The following PEX14 variants were observed in gnomAD, a reference collection of about 807,000 sequenced individuals.
PEX14 encodes the protein peroxisomal biogenesis factor 14.
Under a neutral mutation model 49.5 loss-of-function variants are expected in PEX14, and 15 were observed. That is an observed-to-expected ratio of 0.30 (90% CI 0.20 to 0.47). The LOEUF (loss-of-function observed/expected upper bound fraction) is 0.47. Ranked by LOEUF, PEX14 falls within the 20% of genes least tolerant of loss-of-function variation. The pLI is 1.00. For synonymous variants in PEX14, 210 were observed against 212.7 expected, an observed-to-expected ratio of 0.99 and a Z score of 0.11; for missense variants, 398 against 494.8, an observed-to-expected ratio of 0.80 and a Z score of 1.86.
intron 4 of PEX14, among the ~76,000 whole-genome samples, chr1:10,608,855 TAAATCAG>T (rs1641198388): frequency 2.6e-5 from 4 of 152,290 alleles, no homozygotes; most frequent in African/African-American, 9.6e-5. Flanking sequence ...GCTGTCACCA[TAAATCAG>T]CTTTAGAGTA....
chr1:10,571,607 G>A (rs1639979573), intron 3 of PEX14, among the ~76,000 whole-genome samples: 1 of 152,088 alleles, frequency 6.6e-6, no homozygotes, highest in Non-Finnish European at 1.5e-5. Context: ...TTAGGAGTTC[G>A]AGACCAGCCT....
intron 3 of PEX14, among the ~76,000 whole-genome samples, chr1:10,583,383 CT>C (rs34977896): frequency 0.019 from 2,485 of 127,904 alleles, 49 homozygotes; most frequent in African/African-American, 0.058. Flanking sequence ...TTGCACCCAG[CT>C]TTTTTTTTTT....
rs768184592 is a variant in PEX14, at chr1:10,512,903, T to G, written c.84+17582T>G. Among the ~76,000 whole-genome samples the G allele has an allele frequency of 3.3e-5, 5 of 152,132 alleles. No individual in the cohort carries two copies. The highest frequency in any genetic ancestry group is 7.4e-5 in the Non-Finnish European group (5 of 68,004). On this transcript the variant is annotated intron_variant, in intron 2 of 8. Coordinates refer to ENST00000356607, the MANE Select transcript of PEX14 (RefSeq NM_004565.3). This position sits in a 1 kb window ranked among gnomAD's most constrained non-coding sequence, Gnocchi z 4.6. Reference sequence around the variant, plus strand: ...TAGTAGAGATGAGGTTTCATCGTGTTAGCTGGGATGGTCTGGATCTCGTGA... The same window carrying G: ...TAGTAGAGATGAGGTTTCATCGTGTGAGCTGGGATGGTCTGGATCTCGTGA...
intron 2 of PEX14, among the ~76,000 whole-genome samples, chr1:10,502,040 A>G (rs533280555): frequency 6.6e-6 from 1 of 152,308 alleles, no homozygotes; most frequent in African/African-American, 2.4e-5. Context: ...AAAATCAAGT[A>G]TAAACCACGG....
At chr1:10,596,043 A>G (rs1022878961) in intron 3 of PEX14, among the ~76,000 whole-genome samples, 2 of 152,204 alleles carry the variant, frequency 1.3e-5, no homozygotes, top group South Asian at 2.1e-4. Flanking sequence ...GGGATGTCCT[A>G]TGTTGGCTCC....
chr1:10,600,144 G>A (rs1388960931), intron 4 of PEX14, among the ~76,000 whole-genome samples: 2 of 152,234 alleles, frequency 1.3e-5, no homozygotes, highest in African/African-American at 2.4e-5. Flanking sequence ...ATTGGGCCGG[G>A]CACGTTGGCT....
At chr1:10,579,641 T>C (rs367596029) in intron 3 of PEX14, among the ~76,000 whole-genome samples, 47 of 152,282 alleles carry the variant, frequency 3.1e-4, no homozygotes, top group African/African-American at 1.1e-3. Flanking sequence ...CTTGATGAGA[T>C]GCCAGACGGG....
At chr1:10,588,789 A>G (rs889115642) in intron 3 of PEX14, among the ~76,000 whole-genome samples, 11 of 152,178 alleles carry the variant, frequency 7.2e-5, no homozygotes, top group Admixed American at 4.6e-4. Context: ...CAATTCAGAT[A>G]TGTCAAAGAG....
At chr1:10,486,689 CTTT>C (rs34311886) in intron 1 of PEX14, among the ~76,000 whole-genome samples, 1 of 135,444 alleles carries the variant, frequency 7.4e-6, no homozygotes. Flanking sequence ...GACTCTGTCT[CTTT>C]TTTTTTTTTT....
chr1:10,511,253 C>T (rs1479478049), intron 2 of PEX14, among the ~76,000 whole-genome samples: 2 of 152,060 alleles, frequency 1.3e-5, no homozygotes, highest in African/African-American at 4.8e-5. Context: ...TTTGTTATCT[C>T]CTGTTTTTTC....
Position 10,485,641 on chromosome 1 carries a change from A to G in PEX14, c.37-9633A>G, listed in dbSNP as rs1641355178. 1.3e-5 allele frequency among the ~76,000 whole-genome samples: 2 copies of G among 151,116 alleles called. 1 individual carries two copies. The highest frequency in any genetic ancestry group is 4.9e-5 in the African/African-American group (2 of 40,732). On this transcript the variant is annotated intron_variant, in intron 1 of 8. Transcript: ENST00000356607. ...GCCTAAATATTTTTTTGTTTTCAGG[A>G]TACTGTTATATTTATGGATTTTATT...
chr1:10,612,034 C>T (rs998986098), intron 4 of PEX14, among the ~76,000 whole-genome samples: 2 of 152,064 alleles, frequency 1.3e-5, no homozygotes, highest in Non-Finnish European at 2.9e-5. Flanking sequence ...GTTCATGCTT[C>T]TTATATCTTA....
At chr1:10,608,309 G>A (rs1417251965) in intron 4 of PEX14, among the ~76,000 whole-genome samples, 1 of 152,168 alleles carries the variant, frequency 6.6e-6, no homozygotes. Context: ...ATATCCAGTT[G>A]TGCCTATACC....
intron 3 of PEX14, among the ~76,000 whole-genome samples, chr1:10,550,111 A>C (rs1357857754): frequency 6.6e-6 from 1 of 152,220 alleles, no homozygotes; most frequent in Non-Finnish European, 1.5e-5. Context: ...ACAAACAAGC[A>C]AAATACAGAT....
chr1:10,556,506 G>A (rs535675160), intron 3 of PEX14, among the ~76,000 whole-genome samples: 138 of 152,210 alleles, frequency 9.1e-4, no homozygotes, highest in African/African-American at 3.1e-3. Context: ...TGTGATAATC[G>A]TCCCCTTGGA....
intron 3 of PEX14, among the ~76,000 whole-genome samples, chr1:10,598,944 G>A (rs930575990): frequency 1.3e-5 from 2 of 151,700 alleles, no homozygotes; most frequent in Admixed American, 6.6e-5. Context: ...ATCTGTTTTC[G>A]GGGGAAGAAT....
chr1:10,489,135 C>A (rs1407229358), intron 1 of PEX14, among the ~76,000 whole-genome samples: 1 of 152,136 alleles, frequency 6.6e-6, no homozygotes, highest in East Asian at 1.9e-4. Context: ...CATGCACCAC[C>A]ACACCCGGCT....
intron 5 of PEX14, among the ~76,000 whole-genome samples, chr1:10,619,717 T>G (rs1641536616): frequency 6.6e-6 from 1 of 152,248 alleles, no homozygotes; most frequent in African/African-American, 2.4e-5. Context: ...ATTCTTCATT[T>G]TTGATGTAAT....
In PEX14 at chr1:10,629,950, G is replaced by A. The variant is rs777168539; in HGVS notation, c.1097G>A (p.Arg366Gln). The change falls in exon 9 of 9, where the codon CGG (arginine) becomes CAG (glutamine). Residue 366 changes from arginine (R) to glutamine (Q), a missense_variant. Arg to Gln is a conservative substitution (Grantham distance 43, BLOSUM62 1). Coordinates refer to ENST00000356607, the MANE Select transcript of PEX14 (RefSeq NM_004565.3). This position sits in a 1 kb window ranked among gnomAD's most constrained non-coding sequence, Gnocchi z 8.5. ...AACGAGCAGGTGGAGAAGCTGCGGC[G>A]GCCCGAGGGCGCCAGCAACGAGAGT... ...QINEQVEKLR[R>Q]PEGASNESER... The A allele has an allele frequency of 2.5e-6, 4 of 1,611,466 alleles. No individual in the cohort carries two copies. Among genetic ancestry groups the A allele is most frequent in the African/African-American group, 1.3e-5 (1 of 74,524 alleles).
Sources: allele counts gnomAD v4.1 joint callset (sites outside exome capture counted in the v4.1 genomes callset), GRCh38; gene constraint gnomAD v4.1.1; non-coding constraint Gnocchi (gnomAD v3.1); transcripts MANE v1.5; gene names NCBI Gene and HGNC (gene_info 2026-07-23, HGNC 2026-07-21).